Variants in AKAP8L observed in about 807,000 individuals in gnomAD.
The protein encoded by AKAP8L is A-kinase anchor protein 8-like.
AKAP8L carries 34 observed loss-of-function variants against 77.5 expected under a neutral mutation model. The observed-to-expected ratio is 0.44, with a 90% confidence interval of 0.33 to 0.58. AKAP8L has a LOEUF of 0.58. AKAP8L is among the 20% of genes least tolerant of loss of function. The pLI is 0.02. For synonymous variants in AKAP8L, 342 were observed against 340.7 expected (o/e 1.00, Z -0.04); for missense variants, 806 against 887.6 (o/e 0.91, Z 1.17).
chr19:15,406,362 G>GGAGAGAGAGAGAGA lies in AKAP8L; in HGVS notation c.89-2334_89-2321dup, dbSNP rs3040938. ...TCATGGTTGACAAAAGAAATTTTAA[G>GGAGAGAGAGAGAGA]GAGAGAGAGAGAGAGAGAGAGAGAG... On this transcript the variant is annotated intron_variant, in intron 2 of 13. Coordinates refer to ENST00000397410, the MANE Select transcript of AKAP8L (RefSeq NM_014371.4). Among the ~76,000 whole-genome samples, 838 of 89,294 alleles carry GGAGAGAGAGAGAGA rather than the reference G, an allele frequency of 9.4e-3. 24 individuals carry two copies. The highest frequency in any genetic ancestry group is 0.02 in the African/African-American group (386 of 19,558). 58.6% of individuals were successfully genotyped at this position (89,294 alleles called of 152,430 possible).
chr19:15,398,498 TG>T lies in AKAP8L; in HGVS notation c.1158-644del. The stretch of plus-strand genomic sequence containing the variant: ...TGCCAGAGGGCAGCCTGGAGTCACC[TG>T]GGCGAGGTGCTCTGTCTGGGCCTGG... On this transcript the variant is annotated intron_variant, in intron 9 of 13. Transcript: ENST00000397410. The surrounding 1 kb of genome is among the most constrained non-coding windows in gnomAD (Gnocchi z 9.2). 1 of 868,634 alleles carries T rather than the reference TG, an allele frequency of 1.2e-6. No individual in the cohort carries two copies. The highest frequency in any genetic ancestry group is 1.4e-6 in the Non-Finnish European group (1 of 722,732). 53.8% of individuals were successfully genotyped at this position (868,634 alleles called of 1,614,324 possible). A position where few individuals can be genotyped will look rare whatever the true frequency, so the allele number is the denominator to read the frequency against.
At position 15,400,931 on chromosome 19, in the gene AKAP8L, C is replaced by A; in HGVS notation, c.913+16G>T. The A allele has an allele frequency of 6.2e-7, 1 of 1,613,890 alleles. No individual in the cohort carries two copies. The highest frequency in any genetic ancestry group is 8.5e-7 in the Non-Finnish European group (1 of 1,179,824). ...GAGGCAGGGGGCAGCCGCCCAGTAC[C>A]ACCTAGTGGGCTCACCATTGTCTGA... On this transcript the variant is annotated intron_variant, in intron 6 of 13. Coordinates refer to ENST00000397410, the MANE Select transcript of AKAP8L (RefSeq NM_014371.4).
chr19:15,386,201 C>T (rs570829955), intron 12 of AKAP8L, among the ~76,000 whole-genome samples: 2 of 152,228 alleles, frequency 1.3e-5, no homozygotes, highest in South Asian at 2.1e-4. Flanking sequence ...TGAGCCACCG[C>T]GCCCGGCCAA....
At chr19:15,416,676 C>T (rs1309156938) in intron 1 of AKAP8L, among the ~76,000 whole-genome samples, 2 of 152,200 alleles carry the variant, frequency 1.3e-5, no homozygotes, top group African/African-American at 4.8e-5. Context: ...ATAAATGTTT[C>T]TATGACAAGT....
intron 2 of AKAP8L, among the ~76,000 whole-genome samples, chr19:15,407,320 A>G (rs1263471464): frequency 6.6e-6 from 1 of 152,218 alleles, no homozygotes; most frequent in African/African-American, 2.4e-5. Context: ...ATTAAACTAC[A>G]CAAAATCAGT....
rs1967828902 is a variant in AKAP8L, at chr19:15,398,782, C to T, written c.1157+520G>A. Reference sequence around the variant, plus strand: ...TGCGGGAGCCCTGAGGGCAGACAGACCCGACCAAGGGGCGTGAAGGGCTCA... The same window carrying T: ...TGCGGGAGCCCTGAGGGCAGACAGATCCGACCAAGGGGCGTGAAGGGCTCA... On this transcript the variant is annotated intron_variant, in intron 9 of 13. Transcript: ENST00000397410. The surrounding 1 kb of genome is among the most constrained non-coding windows in gnomAD (Gnocchi z 9.2). The T allele has an allele frequency of 1.0e-6, 1 of 996,878 alleles. No individual in the cohort carries two copies. The highest frequency in any genetic ancestry group is 1.7e-5 in the African/African-American group (1 of 57,314). 61.8% of individuals were successfully genotyped at this position (996,878 alleles called of 1,614,324 possible). A position where few individuals can be genotyped will look rare whatever the true frequency, so the allele number is the denominator to read the frequency against.
intron 12 of AKAP8L, among the ~76,000 whole-genome samples, chr19:15,382,222 TTTTA>T (rs1288565437): frequency 2.7e-5 from 2 of 73,202 alleles, no homozygotes; most frequent in African/African-American, 5.7e-5. Flanking sequence ...TTTTTTTTTT[TTTTA>T]AGACAGTCTC....
At position 15,399,907 on chromosome 19, in the gene AKAP8L, C is replaced by T. The variant is rs1599606267; in HGVS notation, c.1048+388G>A. The T allele has an allele frequency of 8.7e-6, 3 of 343,750 alleles. No individual in the cohort carries two copies. The highest frequency in any genetic ancestry group is 1.6e-5 in the Non-Finnish European group (3 of 184,374). 21.3% of individuals were successfully genotyped at this position (343,750 alleles called of 1,614,324 possible). A position where few individuals can be genotyped will look rare whatever the true frequency, so the allele number is the denominator to read the frequency against. ...TGGAGAGGTGCTAAGGGAGAGGATA[C>T]GCACACCAGAGCCGTAAAAACTGCA... On this transcript the variant is annotated intron_variant, in intron 8 of 13. Transcript: ENST00000397410. The surrounding 1 kb of genome is among the most constrained non-coding windows in gnomAD (Gnocchi z 6.1).
At chr19:15,409,689 C>T (rs1327228520) in intron 2 of AKAP8L, among the ~76,000 whole-genome samples, 1 of 152,206 alleles carries the variant, frequency 6.6e-6, no homozygotes, top group Non-Finnish European at 1.5e-5. Flanking sequence ...GCTGCCACAG[C>T]ACACAAACAA....
At chr19:15,410,077 C>T (rs1054010251) in intron 2 of AKAP8L, among the ~76,000 whole-genome samples, 12 of 151,924 alleles carry the variant, frequency 7.9e-5, no homozygotes, top group African/African-American at 2.7e-4. Context: ...TGAGTAGCTG[C>T]GACCACAGGC....
intron 7 of AKAP8L, 174 bp downstream of exon 7, chr19:15,400,620 C>G: frequency 1.2e-6 from 1 of 840,848 alleles, no homozygotes; most frequent in Non-Finnish European, 1.9e-6. Flanking sequence ...AACAAGGAAA[C>G]TGTGCCTCCA....
At chr19:15,388,637 C>T (rs892530809) in intron 12 of AKAP8L, among the ~76,000 whole-genome samples, 5 of 152,096 alleles carry the variant, frequency 3.3e-5, no homozygotes, top group African/African-American at 1.2e-4. Flanking sequence ...GAACTTGGGC[C>T]GGGTGCGGTG....
chr19:15,409,176 A>C (rs1189465013), intron 2 of AKAP8L, among the ~76,000 whole-genome samples: 1 of 152,258 alleles, frequency 6.6e-6, no homozygotes, highest in Non-Finnish European at 1.5e-5. Context: ...GTTCTTTCTG[A>C]CACAAGACAA....
intron 12 of AKAP8L, among the ~76,000 whole-genome samples, chr19:15,387,671 C>T (rs769968558): frequency 1.3e-5 from 2 of 151,984 alleles, no homozygotes; most frequent in African/African-American, 2.4e-5. Flanking sequence ...CAAAAACCAT[C>T]CCTCTTGGGC....
At position 15,380,225 on chromosome 19, in the gene AKAP8L, T is replaced by C. The variant is rs1308404685; in HGVS notation, c.1838A>G (p.Glu613Gly). The C allele has an allele frequency of 4.9e-6, 7 of 1,426,870 alleles. No homozygotes were observed. Among genetic ancestry groups the C allele is most frequent in the African/African-American group, 3.0e-5 (2 of 67,270 alleles). The allele number at this position is 1,426,870 out of a possible 1,614,324, so 88.4% of individuals were successfully genotyped here. A position where few individuals can be genotyped will look rare whatever the true frequency, so the allele number is the denominator to read the frequency against. ...CCCTCCCAGCAAGGGCACGGCGCCC[T>C]CCTCCTCCTCCTCTGGGGGCGGCGG... ...PPPPPPEEEEEGAVPLLGGAL... is the reference protein window; with the variant it reads ...PPPPPPEEEEGGAVPLLGGAL... Residue 613 changes from glutamate (E) to glycine (G), a missense_variant, in exon 14 of 14, where the codon GAG (glutamate) becomes GGG (glycine). Coordinates refer to ENST00000397410, the MANE Select transcript of AKAP8L (RefSeq NM_014371.4).
intron 7 of AKAP8L, 164 bp downstream of exon 7, chr19:15,400,630 A>T (rs1967873196): frequency 1.1e-6 from 1 of 900,256 alleles, no homozygotes; most frequent in Non-Finnish European, 1.7e-6. Flanking sequence ...CTGTGCCTCC[A>T]GCTAGGCAGC....
rs1967802946 is a variant in AKAP8L at position 15,397,590 on chromosome 19, C to G, written c.1335G>C (p.Glu445Asp). The G allele has an allele frequency of 6.2e-7, 1 of 1,613,928 alleles. No individual in the cohort carries two copies. The highest frequency in any genetic ancestry group is 8.5e-7 in the Non-Finnish European group (1 of 1,179,888). Residue 445 changes from glutamate (E) to aspartate (D), a missense_variant, in exon 11 of 14, where the codon GAG becomes GAC. By Grantham distance (45) the Glu-to-Asp change is conservative. This residue lies in a region of AKAP8L where 580 missense variants were observed against 694.1 expected (regional missense o/e 0.84). Transcript: ENST00000397410. The surrounding 1 kb of genome is among the most constrained non-coding windows in gnomAD (Gnocchi z 4.7). ...CAAGGTCCTCCACGGTTTTTCGGAG[C>G]TCCTCTGTCTTCTTGGTCTTGTTAG... ...YVTNKTKKTE[E>D]LRKTVEDLDG... is the part of the protein sequence containing the mutation.
intron 2 of AKAP8L, among the ~76,000 whole-genome samples, chr19:15,406,890 T>G (rs1398793656): frequency 1.3e-5 from 2 of 152,208 alleles, no homozygotes; most frequent in Non-Finnish European, 1.5e-5. Context: ...ACCTACCTAC[T>G]CGGTGACATA....
rs1250838465 is a variant in AKAP8L at position 15,397,602 on chromosome 19, C to T, written c.1323G>A (p.Lys441=). ...FLQEYVTNKT[K]KTEELRKTVE... is the part of the protein sequence containing the mutation. ...CGGTTTTTCGGAGCTCCTCTGTCTT[C>T]TTGGTCTTGTTAGTGACGTACTCCT... Residue 441 remains lysine, a synonymous_variant, in exon 11 of 14, where the codon AAG becomes AAA. Transcript: ENST00000397410. The surrounding 1 kb of genome is among the most constrained non-coding windows in gnomAD (Gnocchi z 4.7). 5.0e-6 allele frequency: 8 copies of T among 1,613,794 alleles called. No homozygotes were observed. In the African/African-American group the frequency reaches 5.3e-5, roughly 11 times the overall value.
Sources: allele counts gnomAD v4.1 joint callset (sites outside exome capture counted in the v4.1 genomes callset), GRCh38; gene constraint gnomAD v4.1.1; regional missense constraint gnomAD v4.1.1; non-coding constraint Gnocchi (gnomAD v3.1); transcripts MANE v1.5; gene names NCBI Gene and HGNC (gene_info 2026-07-23, HGNC 2026-07-21).